Variants in FBXL17 observed in about 807,000 individuals in gnomAD.
The protein encoded by FBXL17 is F-box and leucine rich repeat protein 17, also known as F-box/LRR-repeat protein 17.
In FBXL17, 22 loss-of-function variants were observed where a neutral mutation model predicts 66.2. That is an observed-to-expected ratio of 0.33 (90% CI 0.24 to 0.47). The LOEUF (loss-of-function observed/expected upper bound fraction) is 0.47, where lower values mean the gene tolerates loss of function less well. Ranked by LOEUF, FBXL17 falls within the 20% of genes least tolerant of loss-of-function variation. FBXL17 has a pLI of 1.00. For synonymous variants in FBXL17, 474 were observed against 400.5 expected, an observed-to-expected ratio of 1.18 and a Z score of -2.19; for missense variants, 878 against 948.2, an observed-to-expected ratio of 0.93 and a Z score of 0.97.
rs544448334 is a variant in FBXL17 at position 108,132,431 on chromosome 5, A to T, written c.1745+53686T>A. Reference sequence around the variant, plus strand: ...AAGAACAGAAACCCCTAATTACTTAATACACTAATGCTCTCTTCTTAATAG... The same window carrying T: ...AAGAACAGAAACCCCTAATTACTTATTACACTAATGCTCTCTTCTTAATAG... On this transcript the variant is annotated intron_variant, in intron 6 of 8. Coordinates refer to ENST00000542267, the MANE Select transcript of FBXL17 (RefSeq NM_001163315.3). Among the ~76,000 whole-genome samples the T allele has an allele frequency of 4.6e-5, 7 of 152,338 alleles. No homozygotes were observed. The East Asian group carries it at 1.2e-3, about 25-fold the overall frequency.
chr5:108,122,599 G>C (rs540936127), intron 6 of FBXL17, among the ~76,000 whole-genome samples: 2 of 152,242 alleles, frequency 1.3e-5, no homozygotes, highest in Admixed American at 6.5e-5. Context: ...AGAGAAATGA[G>C]TATAATTAGA....
chr5:108,205,518 A>T (rs1754080780), intron 5 of FBXL17, among the ~76,000 whole-genome samples: 1 of 152,134 alleles, frequency 6.6e-6, no homozygotes, highest in African/African-American at 2.4e-5. Context: ...TCTCCACATC[A>T]CATTTAGTTG....
At chr5:108,290,424 G>T (rs532772249) in intron 4 of FBXL17, among the ~76,000 whole-genome samples, 1 of 152,240 alleles carries the variant, frequency 6.6e-6, no homozygotes, top group Admixed American at 6.5e-5. Flanking sequence ...TACCATTCCT[G>T]TATGGTAAAT....
At chr5:108,085,588 C>T (rs1748937383) in intron 6 of FBXL17, among the ~76,000 whole-genome samples, 1 of 152,168 alleles carries the variant, frequency 6.6e-6, no homozygotes. Context: ...CGTTGGGGCT[C>T]AGAACATGAC....
chr5:107,861,834 C>T lies in FBXL17; in HGVS notation c.1992G>A (p.Leu664=). 2 of 1,551,188 alleles carry T rather than the reference C, an allele frequency of 1.3e-6. No homozygotes were observed. The highest frequency in any genetic ancestry group is 1.2e-5 in the South Asian group (1 of 82,388). The part of the protein sequence containing the change: ...DKVNEVTVEQ[L]VQQYPHITFS... ...AGGTGATGTGGGGGTACTGCTGCAC[C>T]AGCTGTTCCACCGTCACTTCGTTGA... The change falls in exon 9 of 9, where the codon CTG becomes CTA. Residue 664 remains leucine, a synonymous_variant. Transcript: ENST00000542267.
chr5:107,935,445 G>A (rs372788521), intron 7 of FBXL17, among the ~76,000 whole-genome samples: 137 of 151,662 alleles, frequency 9.0e-4, no homozygotes, highest in East Asian at 1.9e-3. Context: ...GTATGTGTGC[G>A]CGCCTTATCT....
intron 7 of FBXL17, among the ~76,000 whole-genome samples, chr5:107,919,035 G>C (rs1053798187): frequency 6.6e-6 from 1 of 152,084 alleles, no homozygotes; most frequent in Non-Finnish European, 1.5e-5. Context: ...TCTCTATTTT[G>C]TTACACCATA....
chr5:108,370,656 T>G (rs1222701025), intron 1 of FBXL17, among the ~76,000 whole-genome samples: 1 of 151,240 alleles, frequency 6.6e-6, no homozygotes, highest in African/African-American at 2.4e-5. Context: ...GGCAGGAGAA[T>G]CATTTGAACC....
chr5:107,970,294 C>T (rs2112647521), intron 7 of FBXL17, among the ~76,000 whole-genome samples: 1 of 152,216 alleles, frequency 6.6e-6, no homozygotes, highest in East Asian at 1.9e-4. Context: ...GGTAATATAA[C>T]TGAGAGCTGC....
At chr5:108,161,441 G>A (rs1311620369) in intron 6 of FBXL17, among the ~76,000 whole-genome samples, 1 of 152,114 alleles carries the variant, frequency 6.6e-6, no homozygotes, top group Non-Finnish European at 1.5e-5. Flanking sequence ...AGCTGAGATC[G>A]TGCCACTGCA....
chr5:107,969,866 T>C (rs1220178825), intron 7 of FBXL17, among the ~76,000 whole-genome samples: 3 of 152,314 alleles, frequency 2.0e-5, no homozygotes, highest in South Asian at 2.1e-4. Context: ...TGAATTTATA[T>C]GATATGTTAG....
intron 3 of FBXL17, among the ~76,000 whole-genome samples, chr5:108,356,894 T>C (rs1466905403): frequency 6.6e-6 from 1 of 152,044 alleles, no homozygotes; most frequent in African/African-American, 2.4e-5. Context: ...GGGATACTGA[T>C]AATGGGAGGG....
chr5:108,034,547 CTAAT>C (rs1485236824), intron 6 of FBXL17, among the ~76,000 whole-genome samples: 1 of 151,860 alleles, frequency 6.6e-6, no homozygotes, highest in Non-Finnish European at 1.5e-5. Flanking sequence ...TTTACTATTT[CTAAT>C]TAATACTTGA....
intron 7 of FBXL17, among the ~76,000 whole-genome samples, chr5:107,927,421 A>G (rs1750560765): frequency 6.6e-6 from 1 of 152,052 alleles, no homozygotes; most frequent in African/African-American, 2.4e-5. Context: ...AATGCTTAAG[A>G]CTCTTTGGTA....
At chr5:107,960,320 A>G (rs986629469) in intron 7 of FBXL17, among the ~76,000 whole-genome samples, 1 of 152,186 alleles carries the variant, frequency 6.6e-6, no homozygotes, top group African/African-American at 2.4e-5. Context: ...TGTGGTGAGA[A>G]CATTGGAAAT....
At chr5:108,370,255 A>T (rs1049915952) in intron 1 of FBXL17, among the ~76,000 whole-genome samples, 1 of 152,206 alleles carries the variant, frequency 6.6e-6, no homozygotes, top group African/African-American at 2.4e-5. Context: ...ACTAAAGGCT[A>T]TTAGTCAAGG....
rs554363532 is a variant in FBXL17 at position 108,276,839 on chromosome 5, G to A, written c.1507-52611C>T. ...GTATGGGTGGTTATTTATGTAAAAA[G>A]CCTTCTCTACAATGTCAGAAACAGA... On this transcript the variant is annotated intron_variant, in intron 4 of 8. Transcript: ENST00000542267. Among the ~76,000 whole-genome samples, 553 of 152,114 alleles carry A rather than the reference G, an allele frequency of 3.6e-3. 5 individuals carry two copies. Among genetic ancestry groups the A allele is most frequent in the African/African-American group, 0.013 (533 of 41,516 alleles).
chr5:107,909,868 A>G lies in FBXL17; in HGVS notation c.1823-28689T>C, dbSNP rs150124915. Among the ~76,000 whole-genome samples the G allele has an allele frequency of 8.6e-3, 1,310 of 152,284 alleles. 18 individuals are homozygous for G. Among genetic ancestry groups the G allele is most frequent in the African/African-American group, 0.029 (1,223 of 41,564 alleles). ...CCTCTACTTCCAAGGAGGTTTAAAC[A>G]TTTCAGGAATAAAAGTCAGTCCTGA... On this transcript the variant is annotated intron_variant, in intron 7 of 8. Transcript: ENST00000542267.
chr5:108,170,943 C>A (rs972798691), intron 6 of FBXL17, among the ~76,000 whole-genome samples: 8 of 152,174 alleles, frequency 5.3e-5, no homozygotes, highest in African/African-American at 1.9e-4. Flanking sequence ...CTCTCAATTT[C>A]TCCATAATTC....
Sources: allele counts gnomAD v4.1 joint callset (sites outside exome capture counted in the v4.1 genomes callset), GRCh38; gene constraint gnomAD v4.1.1; transcripts MANE v1.5; gene names NCBI Gene and HGNC (gene_info 2026-07-23, HGNC 2026-07-21).